DLGAP1: variants seen among roughly 807,000 people sequenced by gnomAD.
The protein encoded by DLGAP1 is DLG associated protein 1, also known as disks large-associated protein 1.
In DLGAP1, 11 loss-of-function variants were observed where a neutral mutation model predicts 90.8. The ratio of observed to expected loss-of-function variants is 0.12; its 90% CI spans 0.08 to 0.20. The LOEUF is 0.20. Among genes scored for constraint, DLGAP1 ranks in the 10% least tolerant of loss-of-function variants. The pLI is 1.00. For missense variants in DLGAP1, 1,050 were observed against 1,333.8 expected, an observed-to-expected ratio of 0.79 and a Z score of 3.31; for synonymous variants, 558 against 540.7, an observed-to-expected ratio of 1.03 and a Z score of -0.44.
intron 2 of DLGAP1, among the ~76,000 whole-genome samples, chr18:4,028,184 G>C (rs1263305187): frequency 6.6e-6 from 1 of 152,166 alleles, no homozygotes; most frequent in Non-Finnish European, 1.5e-5. Flanking sequence ...CTGAGGCCTT[G>C]GGGATTTTAA....
chr18:4,327,088 G>T (rs993218265), intron 1 of DLGAP1, among the ~76,000 whole-genome samples: 5 of 108,420 alleles, frequency 4.6e-5, no homozygotes, highest in Admixed American at 4.6e-4. Flanking sequence ...GTTAATTAAA[G>T]AATACAAATT....
intron 4 of DLGAP1, chr18:3,821,767 G>A (rs756003526): frequency 4.2e-5 from 15 of 359,924 alleles, no homozygotes; most frequent in African/African-American, 1.8e-4. Context: ...TCCCAACAGC[G>A]TTTTAGCATT....
At chr18:4,249,549 G>A (rs572939123) in intron 1 of DLGAP1, among the ~76,000 whole-genome samples, 16 of 150,910 alleles carry the variant, frequency 1.1e-4, no homozygotes, top group East Asian at 3.9e-4. Context: ...TACAGTAACC[G>A]TTCAGTAATG....
At chr18:4,198,067 C>CA (rs995964398) in intron 1 of DLGAP1, among the ~76,000 whole-genome samples, 27 of 151,824 alleles carry the variant, frequency 1.8e-4, no homozygotes, top group African/African-American at 6.3e-4. Context: ...TAAAAAAATA[C>CA]AAAAAATCAG....
At chr18:3,552,629 C>T (rs911477202) in intron 9 of DLGAP1, among the ~76,000 whole-genome samples, 1 of 152,176 alleles carries the variant, frequency 6.6e-6, no homozygotes, top group Non-Finnish European at 1.5e-5. Context: ...CTTAATCCTC[C>T]TATTTTCAGT....
intron 1 of DLGAP1, among the ~76,000 whole-genome samples, chr18:4,236,972 C>T (rs927331399): frequency 1.3e-5 from 2 of 152,138 alleles, no homozygotes; most frequent in African/African-American, 2.4e-5. Context: ...AAATGAGTCA[C>T]GTCTCCCCTG....
chr18:4,311,293 C>T lies in DLGAP1; in HGVS notation c.-267+143713G>A, dbSNP rs1417795683. On this transcript the variant is annotated intron_variant, in intron 1 of 12. Coordinates refer to ENST00000315677, the MANE Select transcript of DLGAP1 (RefSeq NM_004746.4). ...GGCAAAATCTTTTTACCCTCTAATT[C>T]ATAAGATCTCCTCATTTACTCATCA... 3.9e-5 allele frequency among the ~76,000 whole-genome samples: 6 copies of T among 152,168 alleles called. No individual in the cohort carries two copies. In the East Asian group the frequency reaches 1.2e-3, roughly 29 times the overall value.
At chr18:3,765,341 A>G (rs1003195281) in intron 5 of DLGAP1, among the ~76,000 whole-genome samples, 1 of 150,338 alleles carries the variant, frequency 6.7e-6, no homozygotes, top group Non-Finnish European at 1.5e-5. Context: ...CATGTTAGCC[A>G]GGATGGTCTC....
intron 1 of DLGAP1, among the ~76,000 whole-genome samples, chr18:4,247,960 G>A (rs962774955): frequency 7.9e-5 from 12 of 151,984 alleles, no homozygotes; most frequent in Non-Finnish European, 1.6e-4. Flanking sequence ...AGGATATACT[G>A]GGATCTAAAA....
chr18:3,729,017 C>G lies in DLGAP1; in HGVS notation c.1591+118G>C. 7.0e-7 allele frequency: 1 copy of G among 1,427,212 alleles called. No individual in the cohort carries two copies. Among genetic ancestry groups the G allele is most frequent in the Admixed American group, 2.3e-5 (1 of 42,904 alleles). 88.4% of individuals were successfully genotyped at this position (1,427,212 alleles called of 1,614,324 possible). On this transcript the variant is annotated intron_variant, in intron 7 of 12. Coordinates refer to ENST00000315677, the MANE Select transcript of DLGAP1 (RefSeq NM_004746.4). The surrounding 1 kb of genome is among the most constrained non-coding windows in gnomAD (Gnocchi z 6.2). ...GAAGGAAAACCTTTGGTTTGTAGGA[C>G]ATGGGTGGTATCTTGTTCCTGGCAA...
At chr18:3,718,696 C>T (rs1366802776) in intron 7 of DLGAP1, among the ~76,000 whole-genome samples, 18 of 149,354 alleles carry the variant, frequency 1.2e-4, no homozygotes, top group South Asian at 2.1e-4. Context: ...GGGGTCGAGG[C>T]GGGTGGATCG....
intron 10 of DLGAP1, among the ~76,000 whole-genome samples, chr18:3,523,719 C>A (rs186548758): frequency 2.6e-5 from 4 of 151,812 alleles, no homozygotes; most frequent in Non-Finnish European, 4.4e-5. Context: ...TGGTGGCGTG[C>A]GCCCGTAGTC....
chr18:4,360,619 C>T (rs1458366260), intron 1 of DLGAP1, among the ~76,000 whole-genome samples: 4 of 152,040 alleles, frequency 2.6e-5, no homozygotes, highest in African/African-American at 9.7e-5. Flanking sequence ...ACTGTGTAGT[C>T]AAAAGGATTT....
intron 2 of DLGAP1, among the ~76,000 whole-genome samples, chr18:4,083,964 T>TA (rs2075647801): frequency 6.6e-6 from 1 of 152,142 alleles, no homozygotes; most frequent in South Asian, 2.1e-4. Flanking sequence ...CTTAGTGTAC[T>TA]GGAAAAATCG....
chr18:3,627,125 A>AGAT, intron 7 of DLGAP1, among the ~76,000 whole-genome samples: 1 of 152,206 alleles, frequency 6.6e-6, no homozygotes, highest in East Asian at 1.9e-4. Context: ...TTTTTAATAG[A>AGAT]GATGAGGGCT....
intron 5 of DLGAP1, among the ~76,000 whole-genome samples, chr18:3,781,030 G>T (rs1215361721): frequency 2.0e-5 from 3 of 152,050 alleles, no homozygotes; most frequent in Non-Finnish European, 4.4e-5. Flanking sequence ...GTCTTGTTAT[G>T]TTTCCCAGGC....
At chr18:3,961,773 G>A (rs1211788339) in intron 3 of DLGAP1, among the ~76,000 whole-genome samples, 2 of 152,198 alleles carry the variant, frequency 1.3e-5, no homozygotes, top group Non-Finnish European at 2.9e-5. Context: ...CCTGGAGCAT[G>A]GCCCACAAGT....
At chr18:3,528,043 G>A (rs561289412) in intron 10 of DLGAP1, among the ~76,000 whole-genome samples, 5 of 152,164 alleles carry the variant, frequency 3.3e-5, no homozygotes, top group South Asian at 2.1e-4. Flanking sequence ...AATAAATTGC[G>A]TGATTAGAAT....
At position 3,860,101 on chromosome 18, in the gene DLGAP1, A is replaced by AAAATAAATAAATAAATAAATAAAT. The variant is rs61248778; in HGVS notation, c.957+19010_957+19011insATTTATTTATTTATTTATTTATTT. Among the ~76,000 whole-genome samples the AAAATAAATAAATAAATAAATAAAT allele has an allele frequency of 5.4e-3, 781 of 144,388 alleles. 21 individuals carry two copies. The highest frequency in any genetic ancestry group is 0.019 in the African/African-American group (732 of 38,406). The allele number at this position is 144,388 out of a possible 152,430, so 94.7% of individuals were successfully genotyped here. The stretch of plus-strand genomic sequence containing the variant: ...GCGACAGAGCGAGACTCTGTCTCAA[A>AAAATAAATAAATAAATAAATAAAT]AAATAAATAAATAAATAAATTTGCA... On this transcript the variant is annotated intron_variant, in intron 4 of 12. Coordinates refer to ENST00000315677, the MANE Select transcript of DLGAP1 (RefSeq NM_004746.4).
Sources: allele counts gnomAD v4.1 joint callset (sites outside exome capture counted in the v4.1 genomes callset), GRCh38; gene constraint gnomAD v4.1.1; non-coding constraint Gnocchi (gnomAD v3.1); transcripts MANE v1.5; gene names NCBI Gene and HGNC (gene_info 2026-07-23, HGNC 2026-07-21).